Variants in RABGEF1 observed in about 807,000 individuals in gnomAD.
RABGEF1 encodes the protein rab5 GDP/GTP exchange factor.
A neutral mutation model predicts 57.3 loss-of-function variants in RABGEF1; 26 were observed. The ratio of observed to expected loss-of-function variants is 0.45; its 90% CI spans 0.33 to 0.63. The LOEUF (loss-of-function observed/expected upper bound fraction) is 0.63, where lower values mean the gene tolerates loss of function less well. Ranked by LOEUF, RABGEF1 falls within the 20% of genes least tolerant of loss-of-function variation. The probability of loss-of-function intolerance (pLI) is 0.02; values close to 1 mark genes in which losing one functional copy is unlikely to be tolerated. For missense variants in RABGEF1, 464 were observed against 607.6 expected (o/e 0.76, Z 2.48); for synonymous variants, 185 against 210.7 (o/e 0.88, Z 1.06).
intron 2 of RABGEF1, among the ~76,000 whole-genome samples, chr7:66,730,562 T>C (rs998599210): frequency 1.3e-5 from 2 of 149,644 alleles, no homozygotes; most frequent in South Asian, 2.1e-4. Flanking sequence ...TTTTTCTTTT[T>C]TTTTTTTTTT....
At chr7:66,701,218 G>C (rs572225559) in intron 1 of RABGEF1, among the ~76,000 whole-genome samples, 3 of 152,332 alleles carry the variant, frequency 2.0e-5, no homozygotes, top group African/African-American at 7.2e-5. Flanking sequence ...TAACAGGGAG[G>C]CTGGGCACAG....
At chr7:66,780,510 G>A (rs1657394561) in intron 3 of RABGEF1, among the ~76,000 whole-genome samples, 2 of 152,344 alleles carry the variant, frequency 1.3e-5, no homozygotes, top group Non-Finnish European at 2.9e-5. Flanking sequence ...GTCAGATGGA[G>A]TGTTATGTTT....
intron 2 of RABGEF1, among the ~76,000 whole-genome samples, chr7:66,772,362 G>A (rs1807354957): frequency 6.6e-6 from 1 of 152,120 alleles, no homozygotes; most frequent in African/African-American, 2.4e-5. Flanking sequence ...ATGGAGATAG[G>A]CATATTTCCT....
At chr7:66,679,756 G>A (rs1432454744), upstream of RABGEF1, among the ~76,000 whole-genome samples, 3 of 151,930 alleles carry the variant, frequency 2.0e-5, no homozygotes, top group African/African-American at 4.8e-5. Context: ...GGGGCCAGGG[G>A]CCTAAACTCA....
In RABGEF1 at chr7:66,734,741, G is replaced by A. The variant is rs182721287; in HGVS notation, c.-814-5255G>A. Among the ~76,000 whole-genome samples, 342 of 151,852 alleles carry A rather than the reference G, an allele frequency of 2.3e-3. 2 individuals carry two copies. Among genetic ancestry groups the A allele is most frequent in the African/African-American group, 8.1e-3 (334 of 41,408 alleles). ...AGCCACCGTGCCTGGCCCCAAAGGA[G>A]CACTCCTGTGGGAGACCAATGGGTG... On this transcript the variant is annotated intron_variant and NMD_transcript_variant, in intron 2 of 9. Transcript: ENST00000607882.
chr7:66,744,562 G>A (rs1200677773), intron 1 of RABGEF1, among the ~76,000 whole-genome samples: 1 of 151,570 alleles, frequency 6.6e-6, no homozygotes, highest in Admixed American at 6.6e-5. Context: ...CAGCTACTCG[G>A]GAGGCTGAGG....
At chr7:66,799,230 A>G (rs2129179213) in intron 6 of RABGEF1, 93 bp from the exon 7 acceptor site, 2 of 950,204 alleles carry the variant, frequency 2.1e-6, no homozygotes, top group Non-Finnish European at 3.3e-6. Context: ...GTGGTCAGTG[A>G]TGCCTCAGGC....
chr7:66,722,982 T>G (rs1472115054), intron 2 of RABGEF1, among the ~76,000 whole-genome samples: 1 of 152,160 alleles, frequency 6.6e-6, no homozygotes, highest in Non-Finnish European at 1.5e-5. Flanking sequence ...TTTTTCTTTT[T>G]TTTTGAGATG....
In RABGEF1 at chr7:66,699,975, T is replaced by C. The variant is rs549691113; in HGVS notation, c.-872-12192T>C. On this transcript the variant is annotated intron_variant and NMD_transcript_variant, in intron 1 of 9. Coordinates refer to the RABGEF1 transcript ENST00000607882. ...GGAACAGCAAATGTGGGCACAGTTA[T>C]CTTCATCCTCTCCGGGCTCCTCTGA... Among the ~76,000 whole-genome samples, 16 of 152,362 alleles carry C rather than the reference T, an allele frequency of 1.1e-4. No individual in the cohort carries two copies. The East Asian group carries it at 1.7e-3, about 17-fold the overall frequency.
chr7:66,678,514 G>A (rs548070621), upstream of RABGEF1, among the ~76,000 whole-genome samples: 3 of 141,280 alleles, frequency 2.1e-5, no homozygotes, highest in East Asian at 6.1e-4. Context: ...GCAGTGAGCC[G>A]AGATGGCGCC....
intron 2 of RABGEF1, among the ~76,000 whole-genome samples, chr7:66,717,090 T>G (rs906610435): frequency 1.3e-5 from 2 of 152,236 alleles, no homozygotes; most frequent in Admixed American, 1.3e-4. Context: ...CTCTCTGTTT[T>G]TTATGCCTCA....
At chr7:66,681,763 T>C (rs914826385), upstream of RABGEF1, among the ~76,000 whole-genome samples, 12 of 152,340 alleles carry the variant, frequency 7.9e-5, no homozygotes, top group Non-Finnish European at 1.5e-4. Context: ...ACAGAGTTTC[T>C]GAAGCGTCCC....
At chr7:66,698,179 A>G (rs1255658177) in intron 1 of RABGEF1, among the ~76,000 whole-genome samples, 1 of 150,212 alleles carries the variant, frequency 6.7e-6, no homozygotes, top group Non-Finnish European at 1.5e-5. Context: ...GCATTAGACC[A>G]TCATTTCAGA....
upstream of RABGEF1, among the ~76,000 whole-genome samples, chr7:66,738,745 A>AG (rs1388546562): frequency 2.6e-5 from 4 of 151,732 alleles, no homozygotes; most frequent in African/African-American, 7.3e-5. Context: ...AAAAAAAAAA[A>AG]AAAAGAAACA....
chr7:66,802,220 G>A (rs1036886583), intron 7 of RABGEF1, among the ~76,000 whole-genome samples: 1 of 152,196 alleles, frequency 6.6e-6, no homozygotes, highest in Admixed American at 6.5e-5. Context: ...TGTCACAGCT[G>A]TGGGAGTACT....
In RABGEF1 at chr7:66,810,326, C is replaced by T. The variant is rs1789284477; in HGVS notation, c.*1042C>T. 6.6e-6 allele frequency: 1 copy of T among 152,184 alleles called. No homozygotes were observed. 9.4% of individuals were successfully genotyped at this position (152,184 alleles called of 1,614,324 possible). On this transcript the variant is annotated 3_prime_UTR_variant, in exon 9 of 9. Transcript: ENST00000284957. ...GTGTTTGTTGTGGGGCCACCCTGTG[C>T]ATGGTAGAATGTTCAGCAGCATTCC...
the RABGEF1 span, among the ~76,000 whole-genome samples, chr7:66,663,155 C>G: frequency 2.6e-5 from 4 of 152,250 alleles, no homozygotes; most frequent in African/African-American, 9.6e-5. Flanking sequence ...CCAACCTATT[C>G]CTTTAATTCA....
intron 1 of RABGEF1, among the ~76,000 whole-genome samples, chr7:66,683,269 C>T (rs527371092): frequency 1.3e-5 from 2 of 152,244 alleles, no homozygotes; most frequent in African/African-American, 2.4e-5. Flanking sequence ...TGAGCCATTG[C>T]GCGGCTTTAA....
At chr7:66,762,804 G>C (rs890267409) in intron 1 of RABGEF1, among the ~76,000 whole-genome samples, 11 of 152,116 alleles carry the variant, frequency 7.2e-5, no homozygotes, top group Non-Finnish European at 1.3e-4. Context: ...GGGTAGGCTG[G>C]GGTAGGTAGT....
Sources: allele counts gnomAD v4.1 joint callset (sites outside exome capture counted in the v4.1 genomes callset), GRCh38; gene constraint gnomAD v4.1.1; transcripts MANE v1.5; gene names NCBI Gene and HGNC (gene_info 2026-07-23, HGNC 2026-07-21).